Variants in CREB5 observed in about 807,000 individuals in gnomAD.
CREB5 encodes the protein cyclic AMP-responsive element-binding protein 5.
A neutral mutation model predicts 57.1 loss-of-function variants in CREB5; 19 were observed. The ratio of observed to expected loss-of-function variants is 0.33; its 90% confidence interval spans 0.23 to 0.49. The LOEUF (loss-of-function observed/expected upper bound fraction) is 0.49. CREB5 is among the 20% of genes least tolerant of loss of function. The pLI is 0.99. For missense variants in CREB5, 579 were observed against 671.6 expected, an observed-to-expected ratio of 0.86 and a Z score of 1.52; for synonymous variants, 238 against 238.3, an observed-to-expected ratio of 1.00 and a Z score of 0.01.
chr7:28,377,345 A>T (rs1188746746), intron 1 of CREB5, among the ~76,000 whole-genome samples: 1 of 152,154 alleles, frequency 6.6e-6, no homozygotes, highest in Non-Finnish European at 1.5e-5. Flanking sequence ...TACTGATTAT[A>T]TGTTGAAGTG....
At chr7:28,351,476 T>C (rs1384213691) in intron 1 of CREB5, among the ~76,000 whole-genome samples, 1 of 152,242 alleles carries the variant, frequency 6.6e-6, no homozygotes, top group African/African-American at 2.4e-5. Flanking sequence ...CTGTCTCTTG[T>C]GTTCTTTGAT....
chr7:28,511,405 C>T (rs1025470431), intron 4 of CREB5, among the ~76,000 whole-genome samples: 12 of 152,072 alleles, frequency 7.9e-5, no homozygotes, highest in South Asian at 2.1e-4. Context: ...GCTAGAGATC[C>T]GGGTCTGGGA....
At chr7:28,410,454 T>A (rs747278766), upstream of CREB5, 4 of 456,584 alleles carry the variant, frequency 8.8e-6, no homozygotes, top group African/African-American at 8.0e-5. Context: ...AGGGGCAAGA[T>A]GCGAAGGAAG....
chr7:28,456,434 C>A (rs912298155), intron 1 of CREB5, among the ~76,000 whole-genome samples: 7 of 152,150 alleles, frequency 4.6e-5, no homozygotes, highest in African/African-American at 1.7e-4. Context: ...ACAAATCTCT[C>A]TTGTGCTGTT....
At position 28,418,967 on chromosome 7, in the gene CREB5, T is replaced by A. The variant is rs183592017; in HGVS notation, c.3+6050T>A. Among the ~76,000 whole-genome samples the A allele has an allele frequency of 2.6e-5, 4 of 152,368 alleles. No homozygotes were observed. The East Asian group carries it at 7.7e-4, about 29-fold the overall frequency. On this transcript the variant is annotated intron_variant, in intron 1 of 10. Coordinates refer to ENST00000357727, the MANE Select transcript of CREB5 (RefSeq NM_182898.4). The stretch of plus-strand genomic sequence containing the variant: ...GTGCTTTCCCATGCATTATTTGCAG[T>A]TAAATGGTTTCCTTGCTAATACCTC...
intron 5 of CREB5, among the ~76,000 whole-genome samples, chr7:28,629,328 C>T (rs1798117326): frequency 6.6e-6 from 1 of 152,166 alleles, no homozygotes; most frequent in South Asian, 2.1e-4. Context: ...CCTCCTTCCA[C>T]CTCCTCCCTT....
chr7:28,759,494 G>A (rs1805526387), intron 7 of CREB5, among the ~76,000 whole-genome samples: 1 of 152,196 alleles, frequency 6.6e-6, no homozygotes, highest in Non-Finnish European at 1.5e-5. Flanking sequence ...GTAGATATGT[G>A]CAGTCTACCA....
intron 1 of CREB5, among the ~76,000 whole-genome samples, chr7:28,406,637 G>A (rs1049053898): frequency 2.0e-5 from 3 of 152,206 alleles, no homozygotes; most frequent in African/African-American, 7.2e-5. Context: ...CACCCCAGGG[G>A]GCAAATGCCC....
At chr7:28,384,708 GC>G (rs958120296) in intron 1 of CREB5, among the ~76,000 whole-genome samples, 4 of 151,694 alleles carry the variant, frequency 2.6e-5, no homozygotes, top group African/African-American at 9.7e-5. Context: ...TATCATCAGA[GC>G]ACTGATAGCA....
At chr7:28,590,032 G>A (rs979522032) in intron 5 of CREB5, among the ~76,000 whole-genome samples, 12 of 152,160 alleles carry the variant, frequency 7.9e-5, no homozygotes, top group African/African-American at 2.9e-4. Flanking sequence ...GAAACAACAG[G>A]TGCTGGAGAG....
chr7:28,744,340 CTTTTTTT>C (rs753167682), intron 7 of CREB5, among the ~76,000 whole-genome samples: 112 of 88,826 alleles, frequency 1.3e-3, no homozygotes, highest in African/African-American at 4.7e-3. Flanking sequence ...TTTAGTACCT[CTTTTTTT>C]TTTTTTTTTT....
chr7:28,455,039 T>G (rs1289411120), intron 1 of CREB5, among the ~76,000 whole-genome samples: 1 of 152,244 alleles, frequency 6.6e-6, no homozygotes, highest in East Asian at 1.9e-4. Flanking sequence ...TACTGACTTC[T>G]GTTCTGTTTA....
At chr7:28,748,458 G>A (rs1168336994) in intron 7 of CREB5, among the ~76,000 whole-genome samples, 2 of 152,216 alleles carry the variant, frequency 1.3e-5, no homozygotes, top group Non-Finnish European at 2.9e-5. Flanking sequence ...AGCATTCTAA[G>A]TGTGATCCTG....
chr7:28,315,803 G>A (rs941247415), intron 1 of CREB5, among the ~76,000 whole-genome samples: 1 of 152,174 alleles, frequency 6.6e-6, no homozygotes, highest in African/African-American at 2.4e-5. Flanking sequence ...ATCTTCCAAT[G>A]TGTTCCCTTC....
chr7:28,763,756 T>G (rs1805792583), intron 7 of CREB5, among the ~76,000 whole-genome samples: 1 of 152,042 alleles, frequency 6.6e-6, no homozygotes, highest in South Asian at 2.1e-4. Flanking sequence ...TTGTTCTTAT[T>G]CATGAGATTT....
chr7:28,542,790 A>G (rs1383311409), intron 4 of CREB5, among the ~76,000 whole-genome samples: 1 of 152,188 alleles, frequency 6.6e-6, no homozygotes, highest in East Asian at 1.9e-4. Flanking sequence ...TCATGTCACC[A>G]TAACACCAAG....
chr7:28,558,870 T>C (rs533727511), intron 4 of CREB5, among the ~76,000 whole-genome samples: 284 of 152,330 alleles, frequency 1.9e-3, no homozygotes, highest in African/African-American at 6.6e-3. Context: ...TGTCCTTATT[T>C]TTAGTAACTT....
chr7:28,411,520 T>C (rs1004208109), upstream of CREB5, among the ~76,000 whole-genome samples: 4 of 118,084 alleles, frequency 3.4e-5, no homozygotes, highest in Non-Finnish European at 6.4e-5. Flanking sequence ...GTATGACTTG[T>C]TGCAAGGGAT....
intron 4 of CREB5, among the ~76,000 whole-genome samples, chr7:28,515,130 C>T (rs1792889395): frequency 6.6e-6 from 1 of 152,128 alleles, no homozygotes; most frequent in Admixed American, 6.5e-5. Context: ...ATTAAATATA[C>T]TATTAATGAT....
Sources: allele counts gnomAD v4.1 joint callset (sites outside exome capture counted in the v4.1 genomes callset), GRCh38; gene constraint gnomAD v4.1.1; transcripts MANE v1.5; gene names NCBI Gene and HGNC (gene_info 2026-07-23, HGNC 2026-07-21).